ART3: variants seen among roughly 807,000 people sequenced by gnomAD.
ART3 encodes ADP-ribosyltransferase 3 (inactive), also known as ecto-ADP-ribosyltransferase 3.
Under a neutral mutation model 48.5 loss-of-function variants are expected in ART3, and 49 were observed. That is an observed-to-expected ratio of 1.01 (90% CI 0.80 to 1.28). The LOEUF (loss-of-function observed/expected upper bound fraction) is 1.28, where lower values mean the gene tolerates loss of function less well. Ranked by LOEUF, ART3 falls within the 50% of genes most tolerant of loss-of-function variation. The probability of loss-of-function intolerance (pLI) is 0.00; values close to 1 mark genes in which losing one functional copy is unlikely to be tolerated. For synonymous variants in ART3, 145 were observed against 157.2 expected (o/e 0.92, Z 0.58); for missense variants, 438 against 454.3 (o/e 0.96, Z 0.33).
intron 1 of ART3, among the ~76,000 whole-genome samples, chr4:76,048,345 A>T (rs4404571): frequency 6.6e-6 from 1 of 151,658 alleles, no homozygotes; most frequent in South Asian, 2.1e-4. Flanking sequence ...CATCAGAGAG[A>T]GAATATTGGG....
At chr4:76,103,139 A>T (rs1437172481) in intron 8 of ART3, among the ~76,000 whole-genome samples, 1 of 152,220 alleles carries the variant, frequency 6.6e-6, no homozygotes. Context: ...AAAAAGCCAG[A>T]GGCTCACTGT....
chr4:76,105,123 C>A (rs1269139505), intron 10 of ART3, among the ~76,000 whole-genome samples: 1 of 152,158 alleles, frequency 6.6e-6, no homozygotes, highest in Non-Finnish European at 1.5e-5. Context: ...TATTTGGCCA[C>A]AACTTTGAAG....
At chr4:76,023,503 A>G in intron 1 of ART3, 1 of 1,383,950 alleles carries the variant, frequency 7.2e-7, no homozygotes, top group Non-Finnish European at 1.0e-6. Context: ...GTCTCAGAAA[A>G]CGTGGGGCTA....
chr4:76,050,959 C>T (rs980120924), intron 1 of ART3, among the ~76,000 whole-genome samples: 2 of 152,232 alleles, frequency 1.3e-5, no homozygotes, highest in African/African-American at 4.8e-5. Context: ...GAGTGCGGGG[C>T]CCGCCAAGCC....
intron 1 of ART3, chr4:76,041,164 A>T (rs1428265746): frequency 6.6e-6 from 1 of 152,198 alleles, no homozygotes; most frequent in Non-Finnish European, 1.5e-5. Flanking sequence ...TTATTGTAGA[A>T]GTTAGTCTGC....
In ART3 at chr4:76,100,823, T is replaced by C; in HGVS notation, c.906T>C (p.His302=). The C allele has an allele frequency of 6.2e-7, 1 of 1,612,436 alleles. No individual in the cohort carries two copies. The highest frequency in any genetic ancestry group is 1.3e-5 in the African/African-American group (1 of 74,886). ...AGAAAAACTGGAAGCTTGAAGACCA[T>C]GGTAAGACATTTTTTATAAATTCTG... ...HSEKNWKLED[H]GEKNQKLEDH... Residue 302 remains histidine, a splice_region_variant and synonymous_variant, in exon 7 of 12, where the codon CAT becomes CAC. Transcript: ENST00000355810.
rs183924081 is a variant in ART3 at position 76,097,721 on chromosome 4, A to C, written c.814+45A>C. On this transcript the variant is annotated intron_variant, in intron 4 of 11. Transcript: ENST00000355810. ...TTATCCCTATAATAGGAATTTTATCAGTTACTTCTCATAGCTATGGGTCAG... is the reference window on the plus strand; with the variant it reads ...TTATCCCTATAATAGGAATTTTATCCGTTACTTCTCATAGCTATGGGTCAG... 3.3e-5 allele frequency: 49 copies of C among 1,493,748 alleles called. No individual in the cohort carries two copies. In the East Asian group the frequency reaches 1.1e-3, roughly 32 times the overall value. 92.5% of individuals were successfully genotyped at this position (1,493,748 alleles called of 1,614,324 possible).
chr4:76,083,865 G>T (rs66828967), intron 3 of ART3, among the ~76,000 whole-genome samples: 55,374 of 151,840 alleles, frequency 0.36, 10,207 homozygotes, highest in East Asian at 0.43. Flanking sequence ...AAAGGAAAAG[G>T]GAATTAGAAA....
intron 1 of ART3, among the ~76,000 whole-genome samples, chr4:76,032,896 C>T (rs373055374): frequency 6.6e-6 from 1 of 151,844 alleles, no homozygotes; most frequent in Non-Finnish European, 1.5e-5. Context: ...AGATTCAGGT[C>T]TTAAAACTAT....
intron 1 of ART3, chr4:76,035,179 C>T: frequency 6.2e-7 from 1 of 1,613,844 alleles, no homozygotes; most frequent in African/African-American, 1.3e-5. Flanking sequence ...ACAAAAAAGC[C>T]TGCACCATTG....
At chr4:76,075,303 C>CT (rs1354270764) in intron 1 of ART3, 1 of 152,384 alleles carries the variant, frequency 6.6e-6, no homozygotes, top group Non-Finnish European at 1.5e-5. Context: ...TACCCTCGGG[C>CT]TTCTCTTGAT....
In ART3 at chr4:76,082,055, T is replaced by C. The variant is rs915763483; in HGVS notation, c.301T>C (p.Tyr101His). ...TAACCATGGAATAGCCCTGATGGCA[T>C]ATATTTCCGAAGCTCAAGAGCAAAC... is the stretch of plus-strand genomic sequence containing the variant. ...KDNHGIALMA[Y>H]ISEAQEQTPF... The change falls in exon 3 of 12, where the codon TAT becomes CAT. Residue 101 changes from tyrosine to histidine, a missense_variant. Transcript: ENST00000355810. 32 of 1,614,116 alleles carry C rather than the reference T, an allele frequency of 2.0e-5. No homozygotes were observed. The highest frequency in any genetic ancestry group is 2.5e-5 in the Non-Finnish European group (30 of 1,180,050).
At chr4:76,095,392 C>T (rs1465471862) in intron 3 of ART3, among the ~76,000 whole-genome samples, 4 of 152,130 alleles carry the variant, frequency 2.6e-5, no homozygotes, top group African/African-American at 9.7e-5. Context: ...CCTGTAATTT[C>T]AGCTACTTAG....
At chr4:76,011,355 TCC>T in intron 1 of ART3, 1 of 152,688 alleles carries the variant, frequency 6.5e-6, no homozygotes, top group Non-Finnish European at 1.5e-5. Context: ...CTCCTCTCTG[TCC>T]CCTGAGCGGC....
At chr4:76,078,184 C>A (rs187050333) in intron 2 of ART3, among the ~76,000 whole-genome samples, 1 of 151,866 alleles carries the variant, frequency 6.6e-6, no homozygotes, top group Non-Finnish European at 1.5e-5. Context: ...ATAGTGGTGG[C>A]ATTTATGAAC....
intron 1 of ART3, chr4:76,034,692 A>G: frequency 1.1e-6 from 1 of 914,806 alleles, no homozygotes; most frequent in Non-Finnish European, 1.7e-6. Context: ...GAAAAGTCTC[A>G]GTTTCCTACT....
intron 2 of ART3, among the ~76,000 whole-genome samples, chr4:76,079,037 T>C (rs946237603): frequency 1.3e-5 from 2 of 152,002 alleles, no homozygotes; most frequent in South Asian, 2.1e-4. Context: ...GCCGAAATAG[T>C]GCCACTGCAC....
chr4:76,082,497 A>T lies in ART3; in HGVS notation c.743A>T (p.Asn248Ile), dbSNP rs760946011. The T allele has an allele frequency of 6.2e-7, 1 of 1,605,446 alleles. No individual in the cohort carries two copies. The highest frequency in any genetic ancestry group is 8.5e-7 in the Non-Finnish European group (1 of 1,175,994). ...AATAACCTTATCCTTCAAAGCATAA[A>T]CAAGACCTGCAGCCATTATGAGTGT... Reference protein sequence around the residue: ...AGNNLILQSINKTCSHYECAF... With the variant: ...AGNNLILQSIIKTCSHYECAF... Residue 248 changes from asparagine to isoleucine, a missense_variant, in exon 3 of 12, where the codon AAC becomes ATC. Asn to Ile is a moderately radical substitution (Grantham distance 149). Transcript: ENST00000355810.
At chr4:76,053,303 A>G (rs1201450475) in intron 1 of ART3, among the ~76,000 whole-genome samples, 1 of 152,134 alleles carries the variant, frequency 6.6e-6, no homozygotes, top group Non-Finnish European at 1.5e-5. Context: ...GCTATACCTG[A>G]TTTATTAACT....
Sources: allele counts gnomAD v4.1 joint callset (sites outside exome capture counted in the v4.1 genomes callset), GRCh38; gene constraint gnomAD v4.1.1; transcripts MANE v1.5; gene names NCBI Gene and HGNC (gene_info 2026-07-23, HGNC 2026-07-21).